The following CDH13 variants were observed in gnomAD, a reference collection of about 807,000 sequenced individuals.
CDH13 encodes cadherin-13.
In CDH13, 24 loss-of-function variants were observed where a neutral mutation model predicts 63.8. The ratio of observed to expected loss-of-function variants is 0.38; its 90% CI spans 0.27 to 0.53. CDH13 has a LOEUF of 0.53. Among genes scored for constraint, CDH13 ranks in the 20% least tolerant of loss-of-function variants. The pLI is 0.85. For synonymous variants in CDH13, 503 were observed against 355.3 expected (o/e 1.42, Z -4.67); for missense variants, 1,049 against 903.1 (o/e 1.16, Z -2.07).
chr16:83,504,004 T>C (rs917655536), intron 7 of CDH13, among the ~76,000 whole-genome samples: 15 of 152,084 alleles, frequency 9.9e-5, no homozygotes, highest in African/African-American at 2.7e-4. Flanking sequence ...GCCCAATGCA[T>C]GTGGGGCTTA....
At chr16:82,989,683 G>T (rs1406129755) in intron 2 of CDH13, among the ~76,000 whole-genome samples, 1 of 152,186 alleles carries the variant, frequency 6.6e-6, no homozygotes, top group East Asian at 1.9e-4. Context: ...CTGTATTCAA[G>T]GTGCAGGGTA....
chr16:83,506,215 G>C (rs762206356), intron 7 of CDH13, among the ~76,000 whole-genome samples: 28 of 152,206 alleles, frequency 1.8e-4, no homozygotes, highest in Non-Finnish European at 2.4e-4. Context: ...GAAAAGGCTG[G>C]TCAGAGTGAA....
At chr16:82,939,242 G>GT (rs2042758004) in intron 2 of CDH13, among the ~76,000 whole-genome samples, 1 of 152,074 alleles carries the variant, frequency 6.6e-6, no homozygotes, top group Non-Finnish European at 1.5e-5. Flanking sequence ...TGGGCAACAT[G>GT]GTGAAACCCT....
Position 82,776,589 on chromosome 16 carries a change from C to G in CDH13, c.46-81773C>G, listed in dbSNP as rs528819475. Among the ~76,000 whole-genome samples the G allele has an allele frequency of 2.6e-5, 4 of 152,266 alleles. No individual in the cohort carries two copies. The South Asian group carries it at 6.2e-4, about 24-fold the overall frequency. On this transcript the variant is annotated intron_variant, in intron 1 of 13. Transcript: ENST00000567109. ...TCAAATAAGAATCTCAGTGCTGTCA[C>G]TATTTGTTTTAGGAAGTGCTGGTTT... is the stretch of plus-strand genomic sequence containing the variant.
intron 4 of CDH13, among the ~76,000 whole-genome samples, chr16:83,202,773 A>G (rs150161488): frequency 2.0e-5 from 3 of 152,300 alleles, no homozygotes; most frequent in Non-Finnish European, 4.4e-5. Context: ...CATAATGCTG[A>G]TTTTATTACA....
chr16:83,430,694 C>A (rs568583201), intron 6 of CDH13, among the ~76,000 whole-genome samples: 109 of 152,248 alleles, frequency 7.2e-4, no homozygotes, highest in Middle Eastern at 3.4e-3. Flanking sequence ...TCTTTCTCAA[C>A]AAGGATCTGA....
intron 7 of CDH13, among the ~76,000 whole-genome samples, chr16:83,517,892 C>T (rs762827533): frequency 6.6e-6 from 1 of 152,132 alleles, no homozygotes; most frequent in Non-Finnish European, 1.5e-5. Context: ...TTAATTTTCA[C>T]AGCAACTCTG....
intron 2 of CDH13, among the ~76,000 whole-genome samples, chr16:82,863,878 T>A (rs530507247): frequency 3.7e-5 from 4 of 107,706 alleles, no homozygotes; most frequent in Non-Finnish European, 7.4e-5. Flanking sequence ...CCTAGATTGA[T>A]GAGAGTGTAT....
At chr16:83,168,487 A>G (rs906548281) in intron 4 of CDH13, among the ~76,000 whole-genome samples, 1 of 152,108 alleles carries the variant, frequency 6.6e-6, no homozygotes, top group Non-Finnish European at 1.5e-5. Flanking sequence ...TCATGAATAG[A>G]TACAGAATGA....
chr16:83,016,258 C>T (rs1007860270), intron 2 of CDH13, among the ~76,000 whole-genome samples: 1 of 152,234 alleles, frequency 6.6e-6, no homozygotes, highest in African/African-American at 2.4e-5. Flanking sequence ...TAAGCCAAAT[C>T]ATTGTCTTTT....
intron 3 of CDH13, among the ~76,000 whole-genome samples, chr16:83,060,588 A>T (rs1269301625): frequency 1.3e-5 from 2 of 152,166 alleles, no homozygotes; most frequent in Non-Finnish European, 2.9e-5. Flanking sequence ...TAACATTCCC[A>T]CTGCCTCATA....
At chr16:83,734,926 G>C (rs547306316) in intron 10 of CDH13, among the ~76,000 whole-genome samples, 2 of 149,324 alleles carry the variant, frequency 1.3e-5, no homozygotes, top group East Asian at 3.9e-4. Context: ...GGCTTCTTGA[G>C]AAAGGAACTC....
At position 83,059,540 on chromosome 16, in the gene CDH13, G is replaced by A. The variant is rs116355617; in HGVS notation, c.366+27322G>A. Among the ~76,000 whole-genome samples the A allele has an allele frequency of 4.6e-3, 697 of 152,208 alleles. 2 individuals are homozygous for A. Among genetic ancestry groups the A allele is most frequent in the African/African-American group, 0.016 (673 of 41,546 alleles). Reference sequence around the variant, plus strand: ...GTCTGCCATGGCCTAGGTTTCTTATGAGAGATTGAACTCTTCGGAGATTCC... The same window carrying A: ...GTCTGCCATGGCCTAGGTTTCTTATAAGAGATTGAACTCTTCGGAGATTCC... On this transcript the variant is annotated intron_variant, in intron 3 of 13. Transcript: ENST00000567109.
intron 1 of CDH13, among the ~76,000 whole-genome samples, chr16:82,756,312 T>C (rs2034608913): frequency 6.6e-6 from 1 of 152,152 alleles, no homozygotes; most frequent in Non-Finnish European, 1.5e-5. Flanking sequence ...GATATCCTTC[T>C]GATAGGGAAA....
intron 3 of CDH13, among the ~76,000 whole-genome samples, chr16:83,080,195 G>C (rs1225273637): frequency 1.3e-5 from 2 of 152,142 alleles, no homozygotes; most frequent in East Asian, 1.9e-4. Flanking sequence ...TGGTGGGAAA[G>C]AGCCCTTCAG....
At chr16:83,784,326 C>G (rs1269308151) in intron 13 of CDH13, among the ~76,000 whole-genome samples, 2 of 152,080 alleles carry the variant, frequency 1.3e-5, no homozygotes, top group African/African-American at 4.8e-5. Flanking sequence ...GACCAGAGTC[C>G]TGTGAGTAGA....
intron 10 of CDH13, among the ~76,000 whole-genome samples, chr16:83,715,533 T>G (rs1056187175): frequency 1.3e-5 from 2 of 152,240 alleles, no homozygotes; most frequent in Admixed American, 1.3e-4. Flanking sequence ...GTAAAATGCA[T>G]TTTCCAATAC....
chr16:83,282,539 C>T (rs989702606), intron 5 of CDH13, among the ~76,000 whole-genome samples: 8 of 152,124 alleles, frequency 5.3e-5, no homozygotes, highest in African/African-American at 1.7e-4. Context: ...CACTAAAACC[C>T]CTGTCTATTT....
At chr16:83,285,835 T>A (rs1261960686) in intron 5 of CDH13, among the ~76,000 whole-genome samples, 1 of 152,136 alleles carries the variant, frequency 6.6e-6, no homozygotes, top group African/African-American at 2.4e-5. Context: ...TGTATTAAAA[T>A]GCATAACGAA....
Sources: gnomAD v4.1 joint callset for allele counts (sites outside exome capture counted in the v4.1 genomes callset) on GRCh38, gnomAD v4.1.1 for gene constraint, MANE v1.5 for transcripts, NCBI Gene and HGNC (gene_info 2026-07-23, HGNC 2026-07-21) for gene names.